Variants in TFRC observed in about 807,000 individuals in gnomAD.
TFRC encodes the protein transferrin receptor, also known as transferrin receptor protein 1.
TFRC carries 35 observed loss-of-function variants against 85.8 expected under a neutral mutation model. The observed-to-expected ratio is 0.41, with a 90% CI of 0.31 to 0.54. The LOEUF is 0.54. Ranked by LOEUF, TFRC falls within the 20% of genes least tolerant of loss-of-function variation. The pLI, the probability that TFRC is intolerant of heterozygous loss-of-function variation, is 0.31. For missense variants in TFRC, 828 were observed against 921.5 expected (o/e 0.90, Z 1.31); for synonymous variants, 362 against 328.6 (o/e 1.10, Z -1.10).
At chr3:196,066,321 G>A (rs369213111) in intron 9 of TFRC, among the ~76,000 whole-genome samples, 10 of 151,968 alleles carry the variant, frequency 6.6e-5, no homozygotes, top group Admixed American at 5.2e-4. Flanking sequence ...AGCTGGGTGC[G>A]GTGGCTCACG....
intron 11 of TFRC, chr3:196,063,512 T>A (rs1717455755): frequency 1.3e-5 from 2 of 152,814 alleles, no homozygotes; most frequent in South Asian, 4.1e-4. Flanking sequence ...ATTAATGTAC[T>A]CTGTATTAAA....
intron 7 of TFRC, among the ~76,000 whole-genome samples, chr3:196,068,335 A>T (rs1717901768): frequency 6.6e-6 from 1 of 152,200 alleles, no homozygotes; most frequent in Non-Finnish European, 1.5e-5. Flanking sequence ...GTAACGGGCC[A>T]GGAGTGGTGG....
chr3:196,078,550 G>C (rs1050553474), intron 1 of TFRC, among the ~76,000 whole-genome samples: 5 of 151,766 alleles, frequency 3.3e-5, no homozygotes, highest in Non-Finnish European at 7.4e-5. Context: ...CCAGCTACTG[G>C]GGAGGCTGAG....
Position 196,075,256 on chromosome 3 carries a change from A to T in TFRC, c.141T>A (p.Asn47Lys), listed in dbSNP as rs778795194. ...CATTGGCCTTTGTGTTATTGTCAGC[A>T]TTTTCTTCTTCATCTACAGCAAGTT... ...EMKLAVDEEE[N>K]ADNNTKANVT... is the part of the protein sequence containing the mutation. Residue 47 changes from asparagine (N) to lysine (K), a missense_variant, in exon 3 of 19, where the codon AAT becomes AAA. Asn to Lys is a moderately conservative substitution (Grantham distance 94, BLOSUM62 0). Transcript: ENST00000360110. The T allele has an allele frequency of 8.1e-6, 13 of 1,613,898 alleles. No individual in the cohort carries two copies. The Admixed American group carries it at 2.2e-4, about 27-fold the overall frequency.
In TFRC at chr3:196,051,870, A is replaced by C. The variant is rs952698412; in HGVS notation, c.*72T>G. 6.5e-7 allele frequency: 1 copy of C among 1,546,714 alleles called. No individual in the cohort carries two copies. Among genetic ancestry groups the C allele is most frequent in the Non-Finnish European group, 8.7e-7 (1 of 1,145,854 alleles). On this transcript the variant is annotated 3_prime_UTR_variant, in exon 19 of 19. Transcript: ENST00000360110. Reference sequence around the variant, plus strand: ...ATCAGGTTTTGTAGCCCTACTGAAAATTTAGCACGATCAGCACAAGTCTAG... The same window carrying C: ...ATCAGGTTTTGTAGCCCTACTGAAACTTTAGCACGATCAGCACAAGTCTAG...
intron 16 of TFRC, among the ~76,000 whole-genome samples, chr3:196,057,521 T>C (rs1367334402): frequency 6.6e-6 from 1 of 152,158 alleles, no homozygotes; most frequent in Non-Finnish European, 1.5e-5. Flanking sequence ...GGGATTTGTC[T>C]GCGGCTTGTC....
In TFRC at chr3:196,058,613, C is replaced by G; in HGVS notation, c.1556G>C (p.Gly519Ala). The change falls in exon 15 of 19, where the codon GGG becomes GCG. Residue 519 changes from glycine to alanine, a missense_variant. Gly to Ala is a moderately conservative substitution (Grantham distance 60). Coordinates refer to ENST00000360110, the MANE Select transcript of TFRC (RefSeq NM_001128148.3). ...GTTGCTGTCCTGATATAGAAATTGC[C>G]CAGTAACCGGATGCTTCACCTGTAA... ...TMQNVKHPVT[G>A]QFLYQDSNWA... 6.2e-7 allele frequency: 1 copy of G among 1,610,576 alleles called. No homozygotes were observed. Among genetic ancestry groups the G allele is most frequent in the Non-Finnish European group, 8.5e-7 (1 of 1,178,832 alleles).
At chr3:196,073,125 TAGG>T (rs556211903) in intron 4 of TFRC, among the ~76,000 whole-genome samples, 3 of 147,850 alleles carry the variant, frequency 2.0e-5, no homozygotes, top group Non-Finnish European at 4.5e-5. Context: ...GAGACTGAGG[TAGG>T]AGAATTGCTT....
At chr3:196,061,135 TTGAATGTACAGCTGCACTTTAA>T (rs1468817078) in intron 13 of TFRC, among the ~76,000 whole-genome samples, 1 of 152,208 alleles carries the variant, frequency 6.6e-6, no homozygotes. Flanking sequence ...CCCATTCCTG[TTGAATGTACAGCTGCACTTTAA>T]ATAACATTCA....
chr3:196,057,293 CCTGTT>C (rs1390160207), intron 16 of TFRC, among the ~76,000 whole-genome samples: 18 of 152,172 alleles, frequency 1.2e-4, no homozygotes, highest in African/African-American at 1.9e-4. Flanking sequence ...AAAATCCCGT[CCTGTT>C]CTGTTCTGTT....
In TFRC at chr3:196,052,074, T is replaced by C. The variant is rs1324803719; in HGVS notation, c.2151A>G (p.Lys717=). 2 of 1,614,118 alleles carry C rather than the reference T, an allele frequency of 1.2e-6. No homozygotes were observed. Among genetic ancestry groups the C allele is most frequent in the Admixed American group, 1.7e-5 (1 of 60,006 alleles). The part of the protein sequence containing the change: ...HTLPALLENL[K]LRKQNNGAFN... ...AAGCACCGTTATTTTGTTTACGCAGTTTCAAGTTCTCCAGTAAAGCTGGCA... is the reference window on the plus strand; with the variant it reads ...AAGCACCGTTATTTTGTTTACGCAGCTTCAAGTTCTCCAGTAAAGCTGGCA... Residue 717 remains lysine (K), a synonymous_variant, in exon 19 of 19, where the codon AAA becomes AAG. Transcript: ENST00000360110.
At chr3:196,063,140 T>C (rs1474311202) in intron 11 of TFRC, 1 of 516,702 alleles carries the variant, frequency 1.9e-6, no homozygotes, top group Non-Finnish European at 3.4e-6. Flanking sequence ...AGAATAGGAA[T>C]AATTTTTTTT....
At chr3:196,072,437 G>A (rs1560086372) in intron 4 of TFRC, among the ~76,000 whole-genome samples, 1 of 152,170 alleles carries the variant, frequency 6.6e-6, no homozygotes, top group Non-Finnish European at 1.5e-5. Flanking sequence ...GAAATGAGTA[G>A]CTTCCAGATC....
intron 6 of TFRC, among the ~76,000 whole-genome samples, chr3:196,071,143 T>G (rs955490851): frequency 2.0e-5 from 3 of 152,204 alleles, no homozygotes; most frequent in African/African-American, 7.2e-5. Flanking sequence ...CTGGCTCACA[T>G]TCTAATGGAA....
chr3:196,062,728 T>G lies in TFRC; in HGVS notation c.1405-83A>C, dbSNP rs1226168948. On this transcript the variant is annotated intron_variant, in intron 12 of 18. Transcript: ENST00000360110. ...AGCATTAGGGATTCATTTTCAATTCTGGACTCTACTGAGACTAAACGCAAA... is the reference window on the plus strand; with the variant it reads ...AGCATTAGGGATTCATTTTCAATTCGGGACTCTACTGAGACTAAACGCAAA... 13 of 1,541,978 alleles carry G rather than the reference T, an allele frequency of 8.4e-6. No homozygotes were observed. The East Asian group carries it at 2.9e-4, about 35-fold the overall frequency.
At chr3:196,060,482 C>G in intron 13 of TFRC, 1 of 473,042 alleles carries the variant, frequency 2.1e-6, no homozygotes, top group Non-Finnish European at 3.8e-6. Flanking sequence ...ATACTTTAAT[C>G]CAAGTCACCT....
chr3:196,080,285 G>A (rs1244437549), intron 1 of TFRC, among the ~76,000 whole-genome samples: 2 of 152,130 alleles, frequency 1.3e-5, no homozygotes, highest in Non-Finnish European at 2.9e-5. Flanking sequence ...TGTATTTTTC[G>A]TAGAGACGGG....
At chr3:196,056,130 C>A (rs560038522) in intron 16 of TFRC, among the ~76,000 whole-genome samples, 1 of 152,330 alleles carries the variant, frequency 6.6e-6, no homozygotes, top group South Asian at 2.1e-4. Context: ...AAGCTCCTAG[C>A]TCAAGTGACC....
intron 13 of TFRC, among the ~76,000 whole-genome samples, chr3:196,061,793 A>G (rs1717306237): frequency 3.3e-5 from 5 of 152,112 alleles, no homozygotes; most frequent in Admixed American, 3.3e-4. Context: ...CCAGCCCAAA[A>G]AGCCCAGTTT....
Sources: allele counts gnomAD v4.1 joint callset (sites outside exome capture counted in the v4.1 genomes callset), GRCh38; gene constraint gnomAD v4.1.1; transcripts MANE v1.5; gene names NCBI Gene and HGNC (gene_info 2026-07-23, HGNC 2026-07-21).